HEMK2: variants seen among roughly 807,000 people sequenced by gnomAD.
HEMK2 encodes the protein methyltransferase HEMK2.
At chr21:28,677,965 G>A in the HEMK2 span, among the ~76,000 whole-genome samples, 3 of 152,166 alleles carry the variant, frequency 2.0e-5, no homozygotes, top group Admixed American at 2.0e-4. Flanking sequence ...CAGAAAAACT[G>A]GAAACTCTAA....
the HEMK2 span, among the ~76,000 whole-genome samples, chr21:28,684,059 C>A: frequency 1.3e-5 from 2 of 152,210 alleles, no homozygotes; most frequent in African/African-American, 4.8e-5. Context: ...ACTCTCCCAT[C>A]TTCTGTGCTA....
At chr21:28,831,578 A>G in the HEMK2 span, among the ~76,000 whole-genome samples, 4 of 68,856 alleles carry the variant, frequency 5.8e-5, no homozygotes, top group African/African-American at 2.7e-4. Context: ...AAAGAAAGAA[A>G]GAAGGAAAGA....
chr21:28,837,176 A>T, the HEMK2 span, among the ~76,000 whole-genome samples: 3 of 152,228 alleles, frequency 2.0e-5, no homozygotes, highest in Non-Finnish European at 4.4e-5. Flanking sequence ...GATTTAAACT[A>T]TACTTTGGAA....
At chr21:28,857,965 G>T in the HEMK2 span, among the ~76,000 whole-genome samples, 1 of 152,158 alleles carries the variant, frequency 6.6e-6, no homozygotes, top group South Asian at 2.1e-4. Context: ...ACAGGAACAG[G>T]CCTCTTGTTT....
the HEMK2 span, among the ~76,000 whole-genome samples, chr21:28,594,904 C>T: frequency 6.6e-6 from 1 of 152,228 alleles, no homozygotes; most frequent in East Asian, 1.9e-4. Context: ...CACTTTCCTA[C>T]TGTTTGATTC....
chr21:28,765,732 G>T, the HEMK2 span, among the ~76,000 whole-genome samples: 1 of 151,980 alleles, frequency 6.6e-6, no homozygotes, highest in Non-Finnish European at 1.5e-5. Flanking sequence ...CTGTAGGTCA[G>T]AATCAACCTC....
the HEMK2 span, among the ~76,000 whole-genome samples, chr21:28,877,414 G>A: frequency 4.8e-4 from 56 of 116,890 alleles, 2 homozygotes; most frequent in East Asian, 4.4e-4. Flanking sequence ...AAAAAAGAAG[G>A]AAGGAAAGAA....
chr21:28,692,032 C>T, the HEMK2 span, among the ~76,000 whole-genome samples: 1 of 152,152 alleles, frequency 6.6e-6, no homozygotes, highest in Non-Finnish European at 1.5e-5. Context: ...CTTCTTTCAA[C>T]CTTCCCAAGT....
At chr21:28,687,530 T>C in the HEMK2 span, among the ~76,000 whole-genome samples, 2 of 152,212 alleles carry the variant, frequency 1.3e-5, no homozygotes, top group Non-Finnish European at 2.9e-5. Flanking sequence ...CATGTCAGCA[T>C]AGCATGCACA....
At chr21:28,879,840 T>C in the HEMK2 span, 160 of 1,453,164 alleles carry the variant, frequency 1.1e-4, no homozygotes, top group Non-Finnish European at 1.5e-4. Context: ...ATTGAAAATA[T>C]TAATAATTAA....
the HEMK2 span, among the ~76,000 whole-genome samples, chr21:28,683,340 A>T: frequency 1.3e-5 from 2 of 152,208 alleles, no homozygotes; most frequent in East Asian, 3.8e-4. Flanking sequence ...AGCAAAATGT[A>T]TGAACGCTTA....
the HEMK2 span, among the ~76,000 whole-genome samples, chr21:28,850,320 G>C: frequency 6.8e-6 from 1 of 146,726 alleles, no homozygotes; most frequent in Admixed American, 7.2e-5. Context: ...CACCTCCCAG[G>C]CTCACGCCAT....
the HEMK2 span, among the ~76,000 whole-genome samples, chr21:28,672,939 AGAAG>A: frequency 6.6e-6 from 1 of 151,974 alleles, no homozygotes. Flanking sequence ...AAACGCAAAA[AGAAG>A]GAAGGCAGAG....
chr21:28,676,657 C>T, the HEMK2 span, among the ~76,000 whole-genome samples: 1 of 152,166 alleles, frequency 6.6e-6, no homozygotes, highest in African/African-American at 2.4e-5. Flanking sequence ...AGGAGCCTGG[C>T]CCCTCCTCTT....
chr21:28,785,176 G>A, the HEMK2 span, among the ~76,000 whole-genome samples: 6 of 152,126 alleles, frequency 3.9e-5, no homozygotes, highest in South Asian at 2.1e-4. Context: ...AACAAACTCC[G>A]GACACACCAC....
the HEMK2 span, among the ~76,000 whole-genome samples, chr21:28,867,853 TTA>T: frequency 1.3e-5 from 2 of 152,204 alleles, no homozygotes; most frequent in Non-Finnish European, 2.9e-5. Context: ...CTTTTTTATT[TTA>T]TAGATACTCT....
the HEMK2 span, among the ~76,000 whole-genome samples, chr21:28,821,932 G>A: frequency 1.2e-4 from 19 of 152,268 alleles, no homozygotes; most frequent in African/African-American, 4.6e-4. Flanking sequence ...ACTGTCCACC[G>A]CTTTGGATCT....
At chr21:28,800,784 A>C in the HEMK2 span, among the ~76,000 whole-genome samples, 1 of 152,342 alleles carries the variant, frequency 6.6e-6, no homozygotes, top group African/African-American at 2.4e-5. Flanking sequence ...CTTTTAGAAA[A>C]GGCCAATTTT....
the HEMK2 span, among the ~76,000 whole-genome samples, chr21:28,841,658 G>C: frequency 6.7e-6 from 1 of 149,996 alleles, no homozygotes; most frequent in Non-Finnish European, 1.5e-5. Context: ...GGACTTTAGG[G>C]AGTTGCGGGG....
Sources: allele counts gnomAD v4.1 joint callset (sites outside exome capture counted in the v4.1 genomes callset), GRCh38; gene constraint gnomAD v4.1.1; transcripts MANE v1.5; gene names NCBI Gene and HGNC (gene_info 2026-07-23, HGNC 2026-07-21).